Variants in GALC observed in about 807,000 individuals in gnomAD.
GALC encodes the protein galactosylceramidase.
Under a neutral mutation model 91.8 loss-of-function variants are expected in GALC, and 77 were observed. The observed-to-expected ratio is 0.84, with a 90% CI of 0.70 to 1.01. The LOEUF (loss-of-function observed/expected upper bound fraction) is 1.01, where lower values mean the gene tolerates loss of function less well. Among genes scored for constraint, GALC ranks in the 50% least tolerant of loss-of-function variants. The pLI, the probability that GALC is intolerant of heterozygous loss-of-function variation, is 0.00. For missense variants in GALC, 882 were observed against 855.9 expected (o/e 1.03, Z -0.38); for synonymous variants, 357 against 306.7 (o/e 1.16, Z -1.71).
chr14:87,968,257 A>C, intron 8 of GALC, 78 bp downstream of exon 8: 1 of 1,221,390 alleles, frequency 8.2e-7, no homozygotes. Context: ...TGGAAGAATA[A>C]GGAATTCCAT....
chr14:87,953,485 G>A (rs1430835358), intron 10 of GALC: 2 of 1,591,034 alleles, frequency 1.3e-6, no homozygotes, highest in Admixed American at 3.4e-5. Flanking sequence ...CTCTGACAAA[G>A]GTCCTGAAGA....
chr14:87,955,835 G>T (rs146686453), intron 10 of GALC, among the ~76,000 whole-genome samples: 46 of 152,122 alleles, frequency 3.0e-4, no homozygotes, highest in Admixed American at 3.0e-3. Flanking sequence ...CTCTCACTGT[G>T]ATTGTAGAAG....
At chr14:87,949,493 G>C (rs533073963) in intron 12 of GALC, among the ~76,000 whole-genome samples, 3 of 152,166 alleles carry the variant, frequency 2.0e-5, no homozygotes, top group Non-Finnish European at 4.4e-5. Context: ...GGCAGTTTCT[G>C]AAATCCAGGA....
intron 1 of GALC, 158 bp downstream of exon 1, chr14:87,992,812 C>T: frequency 1.4e-6 from 2 of 1,401,926 alleles, no homozygotes; most frequent in Non-Finnish European, 1.8e-6. Flanking sequence ...AGCCCCGCAG[C>T]GGGCCCGCCC....
At chr14:87,977,504 T>G (rs145873620) in intron 6 of GALC, among the ~76,000 whole-genome samples, 1 of 152,114 alleles carries the variant, frequency 6.6e-6, no homozygotes, top group East Asian at 1.9e-4. Context: ...GGATTGCCTA[T>G]ATGCAAATCA....
intron 10 of GALC, chr14:87,953,123 AT>A: frequency 6.7e-7 from 1 of 1,500,142 alleles, no homozygotes. Context: ...GTTTGGGATT[AT>A]TTTCCTTGAA....
chr14:87,962,855 T>A (rs1346212105), intron 10 of GALC, among the ~76,000 whole-genome samples: 1 of 152,078 alleles, frequency 6.6e-6, no homozygotes, highest in African/African-American at 2.4e-5. Flanking sequence ...TGCTTCCATG[T>A]TTTTTCACCT....
chr14:87,955,267 TA>T lies in GALC; in HGVS notation c.1162-4520del. ...TACTGAAATGATTTGTCTTTTGAAG[TA>T]AATAAACGATAGGGTTTTTGCTTTG... On this transcript the variant is annotated intron_variant, in intron 10 of 16. Transcript: ENST00000261304. The T allele has an allele frequency of 5.1e-6, 4 of 776,850 alleles. No individual in the cohort carries two copies. The South Asian group carries it at 5.9e-5, about 11-fold the overall frequency. The allele number at this position is 776,850 out of a possible 1,614,324, so 48.1% of individuals were successfully genotyped here.
chr14:87,956,628 T>C (rs1885570819), intron 10 of GALC, among the ~76,000 whole-genome samples: 1 of 147,158 alleles, frequency 6.8e-6, no homozygotes, highest in South Asian at 2.1e-4. Context: ...ACACCATATA[T>C]ATATGGTATA....
chr14:87,945,199 A>C (rs1262970349), intron 14 of GALC, among the ~76,000 whole-genome samples: 1 of 152,010 alleles, frequency 6.6e-6, no homozygotes, highest in Non-Finnish European at 1.5e-5. Context: ...AGATCAACAA[A>C]TCAACTCTCC....
chr14:87,939,031 C>A lies in GALC; in HGVS notation c.1911+874G>T, dbSNP rs561573012. 3.9e-3 allele frequency among the ~76,000 whole-genome samples: 596 copies of A among 151,964 alleles called. 2 individuals carry two copies. The highest frequency in any genetic ancestry group is 6.4e-3 in the Admixed American group (98 of 15,246). On this transcript the variant is annotated intron_variant, in intron 16 of 16. Coordinates refer to ENST00000261304, the MANE Select transcript of GALC (RefSeq NM_000153.4). ...AAATAGCCAGTAAACATTAGATGTG[C>A]AAGCTCCCTAATTATCAAGGAAATA...
chr14:87,949,913 G>T lies in GALC; in HGVS notation c.1270C>A (p.Gln424Lys). ...TTTCCAAGTTTGGTATACCATACCTGTAGCTCTGGTATTTCACTCTGTAAA... is the reference window on the plus strand; with the variant it reads ...TTTCCAAGTTTGGTATACCATACCTTTAGCTCTGGTATTTCACTCTGTAAA... ...KGSFSEIPEL[Q>K]VWYTKLGKTS... The change falls in exon 12 of 17, where the codon CAG becomes AAG. Residue 424 changes from glutamine (Q) to lysine (K), a missense_variant. Transcript: ENST00000261304. The T allele has an allele frequency of 6.4e-7, 1 of 1,570,186 alleles. No homozygotes were observed. The highest frequency in any genetic ancestry group is 8.8e-7 in the Non-Finnish European group (1 of 1,140,730).
At chr14:87,973,054 T>C (rs1328935508) in intron 7 of GALC, among the ~76,000 whole-genome samples, 1 of 152,100 alleles carries the variant, frequency 6.6e-6, no homozygotes, top group Non-Finnish European at 1.5e-5. Flanking sequence ...AAAGGAAATA[T>C]CTCTGGAGTC....
At chr14:87,992,585 C>G (rs1367979898) in intron 1 of GALC, 1 of 1,467,386 alleles carries the variant, frequency 6.8e-7, no homozygotes, top group African/African-American at 1.4e-5. Flanking sequence ...CTCCCGCACT[C>G]CCTGGCCCTT....
At chr14:87,979,268 C>T (rs1282632595) in intron 6 of GALC, among the ~76,000 whole-genome samples, 5 of 152,042 alleles carry the variant, frequency 3.3e-5, no homozygotes, top group Non-Finnish European at 7.4e-5. Flanking sequence ...CTCAGGTGAT[C>T]CACCTGCCTC....
intron 6 of GALC, among the ~76,000 whole-genome samples, chr14:87,979,496 T>C (rs367804041): frequency 3.9e-5 from 6 of 152,314 alleles, no homozygotes; most frequent in African/African-American, 9.6e-5. Flanking sequence ...ACTGAAAATA[T>C]GTCTTAGAGC....
At chr14:87,976,600 GCTT>G (rs1886503275) in intron 6 of GALC, 112 bp from the exon 7 acceptor site, 1 of 905,150 alleles carries the variant, frequency 1.1e-6, no homozygotes, top group Non-Finnish European at 1.8e-6. Context: ...CTGGATAATA[GCTT>G]CTTTTGTTTG....
At chr14:87,953,485 G>C (rs1430835358) in intron 10 of GALC, 7 of 1,591,034 alleles carry the variant, frequency 4.4e-6, no homozygotes, top group Non-Finnish European at 6.0e-6. Context: ...CTCTGACAAA[G>C]GTCCTGAAGA....
chr14:87,989,986 C>G (rs1345132991), intron 1 of GALC, among the ~76,000 whole-genome samples: 1 of 152,144 alleles, frequency 6.6e-6, no homozygotes, highest in Non-Finnish European at 1.5e-5. Flanking sequence ...GAATGCACCC[C>G]ACATCCTCTC....
Sources: allele counts gnomAD v4.1 joint callset (sites outside exome capture counted in the v4.1 genomes callset), GRCh38; gene constraint gnomAD v4.1.1; transcripts MANE v1.5; gene names NCBI Gene and HGNC (gene_info 2026-07-23, HGNC 2026-07-21).